Variants in BACH2 observed in about 807,000 individuals in gnomAD.
BACH2 encodes the protein transcription regulator protein BACH2.
Under a neutral mutation model 61.8 loss-of-function variants are expected in BACH2, and 5 were observed. That is an observed-to-expected ratio of 0.08 (90% confidence interval 0.04 to 0.17). The LOEUF is 0.17. Among genes scored for constraint, BACH2 ranks in the 10% least tolerant of loss-of-function variants. The pLI is 1.00. For synonymous variants in BACH2, 446 were observed against 440.1 expected (o/e 1.01, Z -0.17); for missense variants, 824 against 1,091.1 (o/e 0.76, Z 3.45).
intron 4 of BACH2, among the ~76,000 whole-genome samples, chr6:90,103,027 A>AT (rs1163074235): frequency 0.013 from 323 of 24,426 alleles, 2 homozygotes; most frequent in South Asian, 0.056. Context: ...ATATATATAT[A>AT]TATTTTTTTT....
At chr6:90,030,575 C>T (rs1349932231) in intron 5 of BACH2, among the ~76,000 whole-genome samples, 1 of 152,124 alleles carries the variant, frequency 6.6e-6, no homozygotes, top group East Asian at 1.9e-4. Flanking sequence ...ACGATAAACA[C>T]CTCTACGCAA....
chr6:90,183,993 A>G (rs1445910111), intron 4 of BACH2, among the ~76,000 whole-genome samples: 2 of 152,234 alleles, frequency 1.3e-5, no homozygotes, highest in African/African-American at 4.8e-5. Flanking sequence ...TGTCTATGTT[A>G]GACAGGTGAG....
At chr6:90,173,433 AAAAC>A (rs1284051813) in intron 4 of BACH2, among the ~76,000 whole-genome samples, 1 of 152,192 alleles carries the variant, frequency 6.6e-6, no homozygotes, top group Non-Finnish European at 1.5e-5. Context: ...GAATAGCTAA[AAAAC>A]AAACAAACGA....
intron 5 of BACH2, among the ~76,000 whole-genome samples, chr6:90,019,302 G>A (rs1484008162): frequency 2.6e-5 from 4 of 152,082 alleles, no homozygotes; most frequent in Non-Finnish European, 5.9e-5. Context: ...AGCTTGTGTT[G>A]AAAGAAACAA....
At chr6:90,181,085 A>G (rs1768146122) in intron 4 of BACH2, among the ~76,000 whole-genome samples, 1 of 152,150 alleles carries the variant, frequency 6.6e-6, no homozygotes, top group Admixed American at 6.5e-5. Flanking sequence ...TCTTTGAGAA[A>G]TCTCCATATT....
In BACH2 at chr6:89,931,302, A is replaced by C. The variant is rs1012862128; in HGVS notation, c.*1106T>G. The C allele has an allele frequency of 6.6e-6, 1 of 152,426 alleles. No homozygotes were observed. The highest frequency in any genetic ancestry group is 6.5e-5 in the Admixed American group (1 of 15,276). The allele number at this position is 152,426 out of a possible 1,614,324, so 9.4% of individuals were successfully genotyped here. On this transcript the variant is annotated 3_prime_UTR_variant, in exon 9 of 9. Coordinates refer to ENST00000257749, the MANE Select transcript of BACH2 (RefSeq NM_021813.4). ...CTCTGAACTCTCTATCTGCGTTTAA[A>C]CTTTGCTTAGGGAAAGGTGGGGAGG... is the stretch of plus-strand genomic sequence containing the variant.
At chr6:90,076,011 G>GGCC (rs1368342060) in intron 5 of BACH2, among the ~76,000 whole-genome samples, 1 of 152,114 alleles carries the variant, frequency 6.6e-6, no homozygotes, top group Non-Finnish European at 1.5e-5. Flanking sequence ...CAAAAAGGCT[G>GGCC]GCCTCACTTT....
At chr6:89,980,474 T>A (rs1165205994) in intron 6 of BACH2, among the ~76,000 whole-genome samples, 1 of 152,190 alleles carries the variant, frequency 6.6e-6, no homozygotes, top group African/African-American at 2.4e-5. Context: ...TTGTTATGAT[T>A]ATTGCCATTA....
At chr6:90,147,122 TA>T (rs1784647638) in intron 4 of BACH2, among the ~76,000 whole-genome samples, 1 of 152,176 alleles carries the variant, frequency 6.6e-6, no homozygotes, top group African/African-American at 2.4e-5. Context: ...GGTAACTTGC[TA>T]TATGCAATAT....
chr6:90,031,904 C>A (rs1021886270), intron 5 of BACH2, among the ~76,000 whole-genome samples: 1 of 152,180 alleles, frequency 6.6e-6, no homozygotes, highest in Non-Finnish European at 1.5e-5. Context: ...CCAAGTCAAT[C>A]CTAAGCCAAA....
At chr6:90,165,600 G>C (rs2127834924) in intron 4 of BACH2, among the ~76,000 whole-genome samples, 1 of 152,198 alleles carries the variant, frequency 6.6e-6, no homozygotes, top group Non-Finnish European at 1.5e-5. Flanking sequence ...GCATCGCCAA[G>C]TCAATCCTAA....
intron 1 of BACH2, among the ~76,000 whole-genome samples, chr6:90,294,798 T>C (rs2127895514): frequency 6.6e-6 from 1 of 152,288 alleles, no homozygotes; most frequent in Admixed American, 6.5e-5. Context: ...GCTCAGCTTC[T>C]TTCATGTCAG....
intron 1 of BACH2, among the ~76,000 whole-genome samples, chr6:90,288,361 C>T (rs548544180): frequency 5.3e-5 from 8 of 152,236 alleles, no homozygotes; most frequent in African/African-American, 1.9e-4. Context: ...CACTAAGCAT[C>T]TCCCATTTAG....
intron 4 of BACH2, among the ~76,000 whole-genome samples, chr6:90,177,952 G>A (rs143275574): frequency 3.3e-5 from 5 of 152,182 alleles, no homozygotes; most frequent in Non-Finnish European, 5.9e-5. Context: ...GCCACTTTTG[G>A]TCAAGAAAAT....
chr6:90,068,696 G>C (rs1456292757), intron 5 of BACH2, among the ~76,000 whole-genome samples: 1 of 151,404 alleles, frequency 6.6e-6, no homozygotes, highest in Non-Finnish European at 1.5e-5. Context: ...CTAAAAATTA[G>C]AAATGACTGG....
intron 2 of BACH2, among the ~76,000 whole-genome samples, chr6:90,265,930 T>C (rs1771314230): frequency 6.6e-6 from 1 of 152,170 alleles, no homozygotes; most frequent in Non-Finnish European, 1.5e-5. Flanking sequence ...TAACTATCTC[T>C]ACAACCCTAT....
intron 2 of BACH2, among the ~76,000 whole-genome samples, chr6:90,253,643 A>G (rs1770883645): frequency 6.6e-6 from 1 of 152,200 alleles, no homozygotes. Context: ...TGTATTGAAG[A>G]GTTAATTTTC....
chr6:90,229,114 G>T (rs1770009124), intron 3 of BACH2, among the ~76,000 whole-genome samples: 1 of 152,178 alleles, frequency 6.6e-6, no homozygotes, highest in South Asian at 2.1e-4. Context: ...CTACACATCA[G>T]AATCACCTGG....
At chr6:89,945,713 G>T (rs1206920212) in intron 7 of BACH2, among the ~76,000 whole-genome samples, 1 of 152,132 alleles carries the variant, frequency 6.6e-6, no homozygotes, top group Non-Finnish European at 1.5e-5. Flanking sequence ...TGGGAATTAT[G>T]TCTTAATTTA....
Sources: gnomAD v4.1 joint callset for allele counts (sites outside exome capture counted in the v4.1 genomes callset) on GRCh38, gnomAD v4.1.1 for gene constraint, MANE v1.5 for transcripts, NCBI Gene and HGNC (gene_info 2026-07-23, HGNC 2026-07-21) for gene names.